BTBD10: variants seen among roughly 807,000 people sequenced by gnomAD.
The protein encoded by BTBD10 is BTB domain containing 10, also known as BTB/POZ domain-containing protein 10.
A neutral mutation model predicts 53.2 loss-of-function variants in BTBD10; 21 were observed. The ratio of observed to expected loss-of-function variants is 0.39; its 90% confidence interval spans 0.28 to 0.57. The LOEUF (loss-of-function observed/expected upper bound fraction) is 0.57. Among genes scored for constraint, BTBD10 ranks in the 20% least tolerant of loss-of-function variants. BTBD10 has a pLI of 0.53. For synonymous variants in BTBD10, 149 were observed against 192.7 expected, an observed-to-expected ratio of 0.77 and a Z score of 1.88; for missense variants, 360 against 594.7, an observed-to-expected ratio of 0.61 and a Z score of 4.10.
chr11:13,447,784 T>G (rs1950777328), intron 1 of BTBD10, among the ~76,000 whole-genome samples: 1 of 152,076 alleles, frequency 6.6e-6, no homozygotes, highest in Non-Finnish European at 1.5e-5. Flanking sequence ...ACATGAAAGA[T>G]TTTTCCCCAG....
chr11:13,445,130 T>C lies in BTBD10; in HGVS notation c.-6A>G. On this transcript the variant is annotated 5_prime_UTR_variant, in exon 2 of 9. Coordinates refer to ENST00000278174, the MANE Select transcript of BTBD10 (RefSeq NM_032320.7). ...GGATGAGGCCGTCCTGCCATCCCAC[T>C]CCAAGCTTCCTCACACTACTGCTCT... The C allele has an allele frequency of 6.2e-7, 1 of 1,608,168 alleles. No individual in the cohort carries two copies. The highest frequency in any genetic ancestry group is 2.2e-5 in the East Asian group (1 of 44,826).
rs1591145634 is a variant in BTBD10 at position 13,431,041 on chromosome 11, C to T, written c.102-9203G>A. On this transcript the variant is annotated intron_variant, in intron 2 of 8. Transcript: ENST00000278174. ...TAGCAAATTGTACACCAGAATTGAC[C>T]TCTTGGCCAAAACACAGCTGCCTGA... 2.0e-5 allele frequency among the ~76,000 whole-genome samples: 3 copies of T among 151,242 alleles called. No homozygotes were observed. In the East Asian group the frequency reaches 5.8e-4, roughly 29 times the overall value.
chr11:13,404,620 T>C, intron 7 of BTBD10: 1 of 984,510 alleles, frequency 1.0e-6, no homozygotes, highest in Non-Finnish European at 1.2e-6. Context: ...TTATTCCACA[T>C]ATTATAGAAA....
At chr11:13,402,596 A>G (rs1006509008) in intron 8 of BTBD10, among the ~76,000 whole-genome samples, 3 of 152,202 alleles carry the variant, frequency 2.0e-5, no homozygotes, top group African/African-American at 7.2e-5. Flanking sequence ...TTTAAAATAA[A>G]AGAGGCATCT....
chr11:13,443,120 G>A (rs371047440), intron 2 of BTBD10, among the ~76,000 whole-genome samples: 3 of 152,080 alleles, frequency 2.0e-5, no homozygotes, highest in Admixed American at 1.3e-4. Context: ...TGGTGGTAGC[G>A]GTGCATGCCT....
At chr11:13,396,516 A>C (rs1370292536) in intron 8 of BTBD10, among the ~76,000 whole-genome samples, 2 of 152,100 alleles carry the variant, frequency 1.3e-5, no homozygotes, top group African/African-American at 4.8e-5. Flanking sequence ...TCTTTTCCTA[A>C]CTGAATACCC....
rs548777792 is a variant in BTBD10, at chr11:13,439,906, T to C, written c.101+5118A>G. 9 of 1,532,792 alleles carry C rather than the reference T, an allele frequency of 5.9e-6. No homozygotes were observed. The East Asian group carries it at 9.8e-5, about 17-fold the overall frequency. 94.9% of individuals were successfully genotyped at this position (1,532,792 alleles called of 1,614,324 possible). ...CACCTTCCTTTAGTATATGCCAAGG[T>C]AGACACACAAAAACAAGAAAAAAAT... On this transcript the variant is annotated intron_variant, in intron 2 of 8. Transcript: ENST00000278174.
chr11:13,408,414 G>T (rs7103068), intron 6 of BTBD10, among the ~76,000 whole-genome samples: 1 of 151,884 alleles, frequency 6.6e-6, no homozygotes, highest in South Asian at 2.1e-4. Flanking sequence ...ATGTGAAAAA[G>T]AATGTTATAG....
At position 13,388,299 on chromosome 11, in the gene BTBD10, A is replaced by G. The variant is rs190543646; in HGVS notation, c.*532T>C. Reference sequence around the variant, plus strand: ...ATTAAATCTCATCCTGATCATTCAGATAAGCCCAAGATAAATACTTTTTGC... The same window carrying G: ...ATTAAATCTCATCCTGATCATTCAGGTAAGCCCAAGATAAATACTTTTTGC... On this transcript the variant is annotated 3_prime_UTR_variant, in exon 9 of 9. Transcript: ENST00000278174. 6.5e-6 allele frequency: 1 copy of G among 154,426 alleles called. No individual in the cohort carries two copies. The highest frequency in any genetic ancestry group is 6.4e-5 in the Admixed American group (1 of 15,686). The allele number at this position is 154,426 out of a possible 1,614,324, so 9.6% of individuals were successfully genotyped here. A position where few individuals can be genotyped will look rare whatever the true frequency, so the allele number is the denominator to read the frequency against.
At chr11:13,392,193 A>C (rs991430349) in intron 8 of BTBD10, among the ~76,000 whole-genome samples, 12 of 152,270 alleles carry the variant, frequency 7.9e-5, no homozygotes, top group Non-Finnish European at 1.8e-4. Flanking sequence ...TTAAAGCAAT[A>C]GTGGAAGCGT....
chr11:13,429,099 G>C (rs1395226289), intron 2 of BTBD10, among the ~76,000 whole-genome samples: 2 of 152,048 alleles, frequency 1.3e-5, no homozygotes, highest in African/African-American at 2.4e-5. Flanking sequence ...GAAATACTTA[G>C]GGATAAATAT....
intron 6 of BTBD10, among the ~76,000 whole-genome samples, chr11:13,410,937 A>G (rs1309852128): frequency 2.0e-5 from 3 of 152,230 alleles, no homozygotes; most frequent in Admixed American, 2.0e-4. Flanking sequence ...CTAAAAAGTT[A>G]ACTTCAAAGG....
chr11:13,437,928 A>G (rs1950573191), intron 2 of BTBD10, among the ~76,000 whole-genome samples: 1 of 152,112 alleles, frequency 6.6e-6, no homozygotes, highest in African/African-American at 2.4e-5. Flanking sequence ...AGATGTTTTA[A>G]ATGGCCCAGA....
At chr11:13,399,354 G>A (rs1031572297) in intron 8 of BTBD10, among the ~76,000 whole-genome samples, 7 of 152,002 alleles carry the variant, frequency 4.6e-5, no homozygotes, top group African/African-American at 1.5e-4. Flanking sequence ...ACTGAGGCTT[G>A]TGCATTCGTC....
At chr11:13,392,165 C>T (rs11022789) in intron 8 of BTBD10, among the ~76,000 whole-genome samples, 22,864 of 152,112 alleles carry the variant, frequency 0.15, 1,987 homozygotes, top group Admixed American at 0.24. Flanking sequence ...AGCAAATATA[C>T]GTACATAAGA....
Position 13,457,029 on chromosome 11 carries a change from G to A in BTBD10, c.-58+6063C>T, listed in dbSNP as rs967017785. Among the ~76,000 whole-genome samples the A allele has an allele frequency of 3.9e-5, 6 of 152,220 alleles. No individual in the cohort carries two copies. The South Asian group carries it at 6.2e-4, about 16-fold the overall frequency. On this transcript the variant is annotated intron_variant, in intron 1 of 8. Transcript: ENST00000278174. Reference sequence around the variant, plus strand: ...ATACAAAAATTAGCCAAGCATGGTGGCACATGCCTGTAGTCCCAGCTACTT... The same window carrying A: ...ATACAAAAATTAGCCAAGCATGGTGACACATGCCTGTAGTCCCAGCTACTT...
chr11:13,394,563 T>C (rs951036018), intron 8 of BTBD10, among the ~76,000 whole-genome samples: 3 of 152,198 alleles, frequency 2.0e-5, no homozygotes, highest in South Asian at 2.1e-4. Context: ...ATTATTATTA[T>C]ACTTTAAGTT....
At chr11:13,429,359 T>A (rs551851190) in intron 2 of BTBD10, among the ~76,000 whole-genome samples, 4 of 152,116 alleles carry the variant, frequency 2.6e-5, no homozygotes, top group African/African-American at 9.7e-5. Context: ...AAAAGAACAG[T>A]TGGAAGACTA....
At chr11:13,427,749 TAAAA>T (rs1178520680) in intron 2 of BTBD10, among the ~76,000 whole-genome samples, 1 of 152,176 alleles carries the variant, frequency 6.6e-6, no homozygotes, top group African/African-American at 2.4e-5. Context: ...TCAATAAACT[TAAAA>T]GAATTTAATC....
Sources: gnomAD v4.1 joint callset for allele counts (sites outside exome capture counted in the v4.1 genomes callset) on GRCh38, gnomAD v4.1.1 for gene constraint, MANE v1.5 for transcripts, NCBI Gene and HGNC (gene_info 2026-07-23, HGNC 2026-07-21) for gene names.